The following KNDC1 variants were observed in gnomAD, a reference collection of about 807,000 sequenced individuals.
KNDC1 encodes kinase non-catalytic C-lobe domain containing 1.
A neutral mutation model predicts 172.8 loss-of-function variants in KNDC1; 106 were observed. That is an observed-to-expected ratio of 0.61 (90% CI 0.52 to 0.72). The LOEUF is 0.72. KNDC1 is among the 30% of genes least tolerant of loss of function. The pLI, the probability that KNDC1 is intolerant of heterozygous loss-of-function variation, is 0.00. For synonymous variants in KNDC1, 1,083 were observed against 1,062.2 expected, an observed-to-expected ratio of 1.02 and a Z score of -0.38; for missense variants, 2,325 against 2,394.5, an observed-to-expected ratio of 0.97 and a Z score of 0.61.
chr10:133,225,524 AGC>A lies in KNDC1; in HGVS notation c.*635_*636del, dbSNP rs1845701740. ...CCAGGTGCCCAAGGCCTGCTGCTGG[AGC>A]AGGCACCTTGGGCTGGGCCTGCTCC... On this transcript the variant is annotated 3_prime_UTR_variant, in exon 30 of 30. Coordinates refer to ENST00000304613, the MANE Select transcript of KNDC1 (RefSeq NM_152643.8). 6.5e-6 allele frequency: 1 copy of A among 153,444 alleles called. No individual in the cohort carries two copies. The highest frequency in any genetic ancestry group is 2.4e-5 in the African/African-American group (1 of 41,402). 9.5% of individuals were successfully genotyped at this position (153,444 alleles called of 1,614,324 possible).
chr10:133,203,599 G>C (rs1854440331), intron 17 of KNDC1, among the ~76,000 whole-genome samples: 1 of 152,176 alleles, frequency 6.6e-6, no homozygotes, highest in Non-Finnish European at 1.5e-5. Context: ...GTGTGTGCTG[G>C]GCTCAGCACT....
At position 133,189,209 on chromosome 10, in the gene KNDC1, G is replaced by A. The variant is rs532405512; in HGVS notation, c.1442-389G>A. On this transcript the variant is annotated intron_variant, in intron 7 of 29. Coordinates refer to ENST00000304613, the MANE Select transcript of KNDC1 (RefSeq NM_152643.8). The stretch of plus-strand genomic sequence containing the variant: ...AGCATCTGAAAGGGCTGGGGGAGAG[G>A]CCATCGGAGACACACCCGGCTCCAG... Among the ~76,000 whole-genome samples the A allele has an allele frequency of 1.9e-3, 296 of 152,258 alleles. 2 individuals are homozygous for A. Among genetic ancestry groups the A allele is most frequent in the African/African-American group, 6.5e-3 (272 of 41,548 alleles).
intron 17 of KNDC1, among the ~76,000 whole-genome samples, chr10:133,204,101 C>T (rs553568876): frequency 3.3e-5 from 5 of 152,150 alleles, no homozygotes; most frequent in South Asian, 4.2e-4. Flanking sequence ...CTCCGGGGGC[C>T]GGACGAGGGC....
chr10:133,205,621 G>A (rs1401859552), intron 17 of KNDC1, among the ~76,000 whole-genome samples: 9 of 152,226 alleles, frequency 5.9e-5, no homozygotes, highest in Non-Finnish European at 2.9e-5. Context: ...GGTTTTTGGG[G>A]GCCTCGTCTG....
At chr10:133,166,242 C>G (rs1408627038) in intron 1 of KNDC1, among the ~76,000 whole-genome samples, 1 of 152,190 alleles carries the variant, frequency 6.6e-6, no homozygotes, top group Non-Finnish European at 1.5e-5. Context: ...GAGAAGGGGC[C>G]TCTGCCTCCT....
intron 3 of KNDC1, among the ~76,000 whole-genome samples, chr10:133,178,404 A>G (rs1853619447): frequency 6.6e-6 from 1 of 152,196 alleles, no homozygotes; most frequent in Non-Finnish European, 1.5e-5. Context: ...AGAACAGCAT[A>G]TGCGAAGCTA....
At position 133,210,596 on chromosome 10, in the gene KNDC1, C is replaced by T. The variant is rs755396914; in HGVS notation, c.3795-15C>T. ...GCCACCCCACCACCTCACCGCCGCC[C>T]GCCCCGCCCCACAGTGATGCCTTCC... is the stretch of plus-strand genomic sequence containing the variant. On this transcript the variant is annotated splice_polypyrimidine_tract_variant and intron_variant, in intron 20 of 29. Coordinates refer to ENST00000304613, the MANE Select transcript of KNDC1 (RefSeq NM_152643.8). 1.9e-5 allele frequency: 30 copies of T among 1,577,626 alleles called. No individual in the cohort carries two copies. The highest frequency in any genetic ancestry group is 2.3e-5 in the Non-Finnish European group (26 of 1,147,262).
intron 6 of KNDC1, among the ~76,000 whole-genome samples, chr10:133,187,946 T>C (rs1476844817): frequency 1.1e-5 from 1 of 90,674 alleles, no homozygotes; most frequent in East Asian, 3.4e-4. Context: ...CTGCACCCCG[T>C]CCCACCCTTC....
chr10:133,186,079 A>G lies in KNDC1; in HGVS notation c.731A>G (p.Glu244Gly). ...GACCCGGAGGTTCTGCCGACCCCCG[A>G]AGGCCCGGAGTCTGAGACGAGCCGG... ...STDPEVLPTP[E>G]GPESETSRGP... The change falls in exon 6 of 30, where the codon GAA becomes GGA. Residue 244 changes from glutamate (E) to glycine (G), a missense_variant. Physicochemically the swap from Glu to Gly is moderately conservative, Grantham distance 98 (BLOSUM62 -2). Coordinates refer to ENST00000304613, the MANE Select transcript of KNDC1 (RefSeq NM_152643.8). 1 of 1,599,414 alleles carries G rather than the reference A, an allele frequency of 6.3e-7. No homozygotes were observed. The highest frequency in any genetic ancestry group is 1.1e-5 in the South Asian group (1 of 88,694).
chr10:133,197,608 T>C (rs1854231194), intron 11 of KNDC1, 67 bp from the exon 12 acceptor site: 4 of 1,231,484 alleles, frequency 3.2e-6, no homozygotes, highest in Non-Finnish European at 4.8e-6. Context: ...GGGGACGCCC[T>C]GTGGGTGTTG....
intron 26 of KNDC1, among the ~76,000 whole-genome samples, chr10:133,218,382 G>C (rs142949510): frequency 1.3e-5 from 2 of 152,198 alleles, no homozygotes; most frequent in Non-Finnish European, 2.9e-5. Context: ...CACCCACCCC[G>C]GACTGCACCC....
In KNDC1 at chr10:133,167,369, C is replaced by T. The variant is rs775958124; in HGVS notation, c.103-12C>T. On this transcript the variant is annotated splice_polypyrimidine_tract_variant and intron_variant, in intron 1 of 29. Coordinates refer to ENST00000304613, the MANE Select transcript of KNDC1 (RefSeq NM_152643.8). Reference sequence around the variant, plus strand: ...GTCCTGCCGGGCTCACGGCCAGGGCCGGTCTTGGCAGGAGAACGTGTCTCT... The same window carrying T: ...GTCCTGCCGGGCTCACGGCCAGGGCTGGTCTTGGCAGGAGAACGTGTCTCT... 7.0e-6 allele frequency: 11 copies of T among 1,562,234 alleles called. No individual in the cohort carries two copies. Among genetic ancestry groups the T allele is most frequent in the East Asian group, 2.3e-5 (1 of 42,902 alleles).
chr10:133,190,153 AC>A (rs1221056894), intron 9 of KNDC1, among the ~76,000 whole-genome samples: 1 of 152,260 alleles, frequency 6.6e-6, no homozygotes, highest in African/African-American at 2.4e-5. Flanking sequence ...TCAATAAATT[AC>A]ATTCAAAATC....
intron 26 of KNDC1, among the ~76,000 whole-genome samples, chr10:133,214,582 A>G (rs1238339633): frequency 6.6e-6 from 1 of 152,000 alleles, no homozygotes; most frequent in Non-Finnish European, 1.5e-5. Flanking sequence ...ACTCCACCCC[A>G]GGCCCCATCC....
chr10:133,217,730 G>A (rs1320815936), intron 26 of KNDC1, among the ~76,000 whole-genome samples: 1 of 147,540 alleles, frequency 6.8e-6, no homozygotes, highest in Non-Finnish European at 1.5e-5. Context: ...AGTCCAAGGC[G>A]GGTGGATCAT....
intron 12 of KNDC1, 87 bp downstream of exon 12, chr10:133,197,855 C>T (rs1046939168): frequency 1.0e-5 from 11 of 1,086,332 alleles, no homozygotes; most frequent in African/African-American, 3.1e-5. Context: ...CAGACACAGC[C>T]GGGCACCTCT....
chr10:133,186,368 C>A lies in KNDC1; in HGVS notation c.1020C>A (p.Asp340Glu). 1 of 1,612,756 alleles carries A rather than the reference C, an allele frequency of 6.2e-7. No homozygotes were observed. Among genetic ancestry groups the A allele is most frequent in the Non-Finnish European group, 8.5e-7 (1 of 1,179,968 alleles). ...QLPISELFSPDPRKAFLDRKN... is the reference protein window; with the variant it reads ...QLPISELFSPEPRKAFLDRKN... ...CCATATCGGAATTATTCTCTCCGGA[C>A]CCCAGGAAGGCCTTTCTGGACAGGA... The change falls in exon 6 of 30, where the codon GAC becomes GAA. Residue 340 changes from aspartate to glutamate, a missense_variant. Transcript: ENST00000304613.
intron 5 of KNDC1, 51 bp from the exon 6 acceptor site, chr10:133,185,923 G>GGGAGGGGTGGGAGGAGAGC (rs1853894097): frequency 7.5e-7 from 1 of 1,333,332 alleles, no homozygotes; most frequent in Non-Finnish European, 1.0e-6. Context: ...GGGAGGAGAG[G>GGGAGGGGTGGGAGGAGAGC]GGAGGGGCGG....
intron 26 of KNDC1, among the ~76,000 whole-genome samples, chr10:133,216,789 C>T (rs868553859): frequency 2.6e-5 from 4 of 152,328 alleles, no homozygotes; most frequent in Middle Eastern, 3.4e-3. Context: ...TAAATGTCCA[C>T]GGAGAGAAGA....
Sources: gnomAD v4.1 joint callset for allele counts (sites outside exome capture counted in the v4.1 genomes callset) on GRCh38, gnomAD v4.1.1 for gene constraint, MANE v1.5 for transcripts, NCBI Gene and HGNC (gene_info 2026-07-23, HGNC 2026-07-21) for gene names.